The following EPHA6 variants were observed in gnomAD, a reference collection of about 807,000 sequenced individuals.
The protein encoded by EPHA6 is EPH receptor A6.
A neutral mutation model predicts 112.0 loss-of-function variants in EPHA6; 50 were observed. The observed-to-expected ratio is 0.45, with a 90% CI of 0.36 to 0.56. EPHA6 has a LOEUF of 0.56. Among genes scored for constraint, EPHA6 ranks in the 20% least tolerant of loss-of-function variants. The pLI, the probability that EPHA6 is intolerant of heterozygous loss-of-function variation, is 0.00. For missense variants in EPHA6, 1,280 were observed against 1,417.4 expected (o/e 0.90, Z 1.56); for synonymous variants, 529 against 490.7 (o/e 1.08, Z -1.03).
intron 5 of EPHA6, among the ~76,000 whole-genome samples, chr3:97,276,112 G>A (rs2080069884): frequency 6.6e-6 from 1 of 152,212 alleles, no homozygotes; most frequent in Admixed American, 6.5e-5. Context: ...TTGAAAAGAA[G>A]GTAATATGGA....
At chr3:96,864,347 A>G (rs2036182354) in intron 1 of EPHA6, among the ~76,000 whole-genome samples, 1 of 152,074 alleles carries the variant, frequency 6.6e-6, no homozygotes, top group African/African-American at 2.4e-5. Flanking sequence ...GGAATTCCAT[A>G]CAGTGGAATA....
intron 14 of EPHA6, among the ~76,000 whole-genome samples, chr3:97,655,119 ATTT>A (rs1328724500): frequency 1.4e-5 from 2 of 147,890 alleles, no homozygotes; most frequent in East Asian, 3.9e-4. Context: ...TATATTATAT[ATTT>A]TATATATATA....
intron 3 of EPHA6, among the ~76,000 whole-genome samples, chr3:97,019,249 T>C (rs1476738256): frequency 6.6e-6 from 1 of 152,194 alleles, no homozygotes. Context: ...ACATTTATCT[T>C]CTTTTATAGT....
intron 5 of EPHA6, among the ~76,000 whole-genome samples, chr3:97,272,218 A>G (rs895848730): frequency 2.6e-5 from 4 of 152,128 alleles, no homozygotes; most frequent in African/African-American, 9.7e-5. Flanking sequence ...TTCATTTAGC[A>G]TAATGTCCTC....
At chr3:97,274,120 A>G (rs2079985663) in intron 5 of EPHA6, among the ~76,000 whole-genome samples, 1 of 152,200 alleles carries the variant, frequency 6.6e-6, no homozygotes, top group Admixed American at 6.5e-5. Context: ...TATAACCTAC[A>G]TGGAAGAGGT....
intron 3 of EPHA6, among the ~76,000 whole-genome samples, chr3:97,135,752 A>AG (rs900942838): frequency 6.6e-6 from 1 of 151,858 alleles, no homozygotes; most frequent in East Asian, 1.9e-4. Flanking sequence ...AAAAAAAAAA[A>AG]AAAGCCAAAA....
At chr3:97,307,000 T>C (rs1294519455) in intron 5 of EPHA6, among the ~76,000 whole-genome samples, 1 of 151,816 alleles carries the variant, frequency 6.6e-6, no homozygotes, top group East Asian at 1.9e-4. Flanking sequence ...GTAAATAAAA[T>C]GTTGGTGACA....
chr3:97,743,952 G>A (rs1292136151), intron 16 of EPHA6, among the ~76,000 whole-genome samples: 6 of 151,882 alleles, frequency 4.0e-5, no homozygotes, highest in South Asian at 2.1e-4. Flanking sequence ...AAGTTAAAAC[G>A]CTAGTACTAT....
chr3:97,220,411 T>C (rs2078159008), intron 3 of EPHA6, among the ~76,000 whole-genome samples: 2 of 152,212 alleles, frequency 1.3e-5, no homozygotes, highest in Non-Finnish European at 2.9e-5. Flanking sequence ...TATTATTCAA[T>C]TTTCATACTA....
At chr3:97,301,531 A>G (rs1390945649) in intron 5 of EPHA6, among the ~76,000 whole-genome samples, 1 of 152,180 alleles carries the variant, frequency 6.6e-6, no homozygotes, top group Non-Finnish European at 1.5e-5. Flanking sequence ...AGGCAGATAA[A>G]GAATAAATAG....
chr3:97,219,305 C>A (rs1460694663), intron 3 of EPHA6, among the ~76,000 whole-genome samples: 1 of 152,170 alleles, frequency 6.6e-6, no homozygotes, highest in Non-Finnish European at 1.5e-5. Flanking sequence ...TTTCCCTCTT[C>A]ATTGCTCTAG....
At chr3:97,049,530 C>T (rs1397515462) in intron 3 of EPHA6, among the ~76,000 whole-genome samples, 1 of 152,088 alleles carries the variant, frequency 6.6e-6, no homozygotes, top group Non-Finnish European at 1.5e-5. Context: ...TTAGTAATCT[C>T]GTTTTACAAG....
intron 14 of EPHA6, among the ~76,000 whole-genome samples, chr3:97,677,708 C>A (rs199565780): frequency 9.1e-6 from 1 of 109,840 alleles, no homozygotes; most frequent in East Asian, 2.5e-4. Context: ...ACAACAAGAA[C>A]GAAACTCCAT....
At chr3:96,895,525 A>G (rs1339852461) in intron 2 of EPHA6, among the ~76,000 whole-genome samples, 1 of 152,196 alleles carries the variant, frequency 6.6e-6, no homozygotes, top group Non-Finnish European at 1.5e-5. Context: ...AGTACCTTAC[A>G]GGAATGTCTT....
rs745596869 is a variant in EPHA6 at position 97,748,675 on chromosome 3, A to G, written c.3367A>G (p.Ile1123Val). The G allele has an allele frequency of 4.2e-5, 67 of 1,607,688 alleles. No homozygotes were observed. Among genetic ancestry groups the G allele is most frequent in the Non-Finnish European group, 5.6e-5 (66 of 1,174,496 alleles). Residue 1123 changes from isoleucine (I) to valine (V), a missense_variant, in exon 18 of 18, where the codon ATA becomes GTA. Around this residue, in one of 4 missense-constraint regions of EPHA6, gnomAD observed 145 missense variants for 153.3 expected, o/e 0.95. Transcript: ENST00000389672. ...IQTLRLHMMH[I>V]QEKGFHV ...GACTTTACGTTTACACATGATGCACATACAGGAGAAGGGATTTCATGTATG... is the reference window on the plus strand; with the variant it reads ...GACTTTACGTTTACACATGATGCACGTACAGGAGAAGGGATTTCATGTATG...
At chr3:96,948,061 C>A (rs1462209590) in intron 2 of EPHA6, among the ~76,000 whole-genome samples, 1 of 152,024 alleles carries the variant, frequency 6.6e-6, no homozygotes, top group Non-Finnish European at 1.5e-5. Context: ...TGTGGATGTA[C>A]CTGGGATTTT....
At chr3:97,598,197 C>G (rs1042632842) in intron 12 of EPHA6, among the ~76,000 whole-genome samples, 1 of 148,490 alleles carries the variant, frequency 6.7e-6, no homozygotes, top group Non-Finnish European at 1.5e-5. Flanking sequence ...TTATTTTTGC[C>G]ACTAATCATT....
intron 2 of EPHA6, among the ~76,000 whole-genome samples, chr3:96,958,356 A>G (rs1245717302): frequency 3.3e-5 from 5 of 151,934 alleles, no homozygotes; most frequent in East Asian, 1.9e-4. Flanking sequence ...TGACTTTGGG[A>G]TGTTAGCTCA....
At chr3:96,914,248 A>G (rs2039378084) in intron 2 of EPHA6, among the ~76,000 whole-genome samples, 1 of 152,174 alleles carries the variant, frequency 6.6e-6, no homozygotes, top group African/African-American at 2.4e-5. Flanking sequence ...GATGAATTGT[A>G]GATATCTATC....
Sources: allele counts gnomAD v4.1 joint callset (sites outside exome capture counted in the v4.1 genomes callset), GRCh38; gene constraint gnomAD v4.1.1; regional missense constraint gnomAD v4.1.1; transcripts MANE v1.5; gene names NCBI Gene and HGNC (gene_info 2026-07-23, HGNC 2026-07-21).